The following PCDH9 variants were observed in gnomAD, a reference collection of about 807,000 sequenced individuals.
PCDH9 encodes the protein protocadherin-9.
A neutral mutation model predicts 70.6 loss-of-function variants in PCDH9; 24 were observed. The ratio of observed to expected loss-of-function variants is 0.34; its 90% CI spans 0.25 to 0.48. PCDH9 has a LOEUF of 0.48. Ranked by LOEUF, PCDH9 falls within the 20% of genes least tolerant of loss-of-function variation. PCDH9 has a pLI of 0.99. For missense variants in PCDH9, 1,281 were observed against 1,503.6 expected (o/e 0.85, Z 2.45); for synonymous variants, 562 against 558.5 (o/e 1.01, Z -0.09).
chr13:66,930,300 T>C (rs2082786289), intron 2 of PCDH9, among the ~76,000 whole-genome samples: 1 of 152,218 alleles, frequency 6.6e-6, no homozygotes, highest in African/African-American at 2.4e-5. Flanking sequence ...CTATTATTCC[T>C]GTTATAAAAT....
chr13:66,980,407 A>C (rs1400785692), intron 2 of PCDH9, among the ~76,000 whole-genome samples: 1 of 152,094 alleles, frequency 6.6e-6, no homozygotes, highest in Non-Finnish European at 1.5e-5. Context: ...TCTACCTAAA[A>C]TGGTTTTTCA....
intron 4 of PCDH9, among the ~76,000 whole-genome samples, chr13:66,378,280 C>T (rs1956785349): frequency 6.6e-6 from 1 of 152,100 alleles, no homozygotes; most frequent in Non-Finnish European, 1.5e-5. Context: ...CTTGCCCAAG[C>T]CCTAGGTTTT....
At chr13:67,026,628 T>C (rs866815592) in intron 2 of PCDH9, among the ~76,000 whole-genome samples, 1,766 of 151,966 alleles carry the variant, frequency 0.012, 19 homozygotes, top group Middle Eastern at 0.017. Flanking sequence ...CAAATTGTCC[T>C]TGTTTGCAGA....
At position 66,662,454 on chromosome 13, in the gene PCDH9, C is replaced by T. The variant is rs74773508; in HGVS notation, c.3139-31043G>A. Among the ~76,000 whole-genome samples the T allele has an allele frequency of 1.5e-4, 23 of 148,542 alleles. No homozygotes were observed. In the South Asian group the frequency reaches 4.7e-3, roughly 30 times the overall value. On this transcript the variant is annotated intron_variant, in intron 3 of 4. Transcript: ENST00000377865. ...AGCCACTGCACTCCAGCCTGGGCAA[C>T]AAAAGTGAAACTCCGTCTCAAAAAA...
intron 2 of PCDH9, among the ~76,000 whole-genome samples, chr13:67,078,042 G>A (rs1594479499): frequency 6.6e-6 from 1 of 152,008 alleles, no homozygotes; most frequent in Non-Finnish European, 1.5e-5. Flanking sequence ...TATTCTACAC[G>A]TTCCAGCCAA....
intron 2 of PCDH9, among the ~76,000 whole-genome samples, chr13:67,030,849 A>T (rs936210329): frequency 6.6e-6 from 1 of 152,188 alleles, no homozygotes; most frequent in Admixed American, 6.6e-5. Flanking sequence ...AGGTATGAGA[A>T]GATCTAAAGC....
intron 3 of PCDH9, among the ~76,000 whole-genome samples, chr13:66,703,476 A>G (rs532256629): frequency 2.0e-5 from 3 of 152,352 alleles, no homozygotes; most frequent in Non-Finnish European, 2.9e-5. Flanking sequence ...TCCCTCAAAC[A>G]ATCATATTCA....
chr13:67,072,079 T>A (rs1018566093), intron 2 of PCDH9, among the ~76,000 whole-genome samples: 1 of 152,082 alleles, frequency 6.6e-6, no homozygotes, highest in Non-Finnish European at 1.5e-5. Context: ...CTGAGCAGAC[T>A]AGGAGTGACT....
intron 2 of PCDH9, among the ~76,000 whole-genome samples, chr13:66,970,644 C>A (rs150821557): frequency 6.0e-5 from 7 of 117,060 alleles, no homozygotes; most frequent in African/African-American, 1.3e-4. Context: ...AAAAAAAAAG[C>A]AAAAAAAAAA....
At chr13:66,435,434 G>C (rs543929674) in intron 4 of PCDH9, among the ~76,000 whole-genome samples, 1 of 152,054 alleles carries the variant, frequency 6.6e-6, no homozygotes, top group African/African-American at 2.4e-5. Flanking sequence ...CAATATAAAA[G>C]TATTACCATA....
intron 4 of PCDH9, among the ~76,000 whole-genome samples, chr13:66,547,683 T>C (rs1260491659): frequency 6.6e-6 from 1 of 151,930 alleles, no homozygotes; most frequent in Non-Finnish European, 1.5e-5. Flanking sequence ...TTTAATAATT[T>C]GTGAAAGGAA....
At chr13:66,519,510 G>A (rs192551791) in intron 4 of PCDH9, among the ~76,000 whole-genome samples, 32 of 152,144 alleles carry the variant, frequency 2.1e-4, no homozygotes, top group South Asian at 6.2e-4. Context: ...TAGAGCTTCT[G>A]AGTCTCAACT....
At chr13:66,625,661 A>AT (rs56865546) in intron 4 of PCDH9, among the ~76,000 whole-genome samples, 78 of 122,980 alleles carry the variant, frequency 6.3e-4, no homozygotes, top group African/African-American at 2.0e-3. Context: ...ATATAGTGGA[A>AT]TTTTTTTTTT....
Position 66,970,235 on chromosome 13 carries a change from G to A in PCDH9, c.3037-66630C>T, listed in dbSNP as rs192821287. Among the ~76,000 whole-genome samples the A allele has an allele frequency of 4.8e-3, 728 of 152,122 alleles. 10 individuals carry two copies. Among genetic ancestry groups the A allele is most frequent in the African/African-American group, 0.017 (696 of 41,526 alleles). ...TTACTTTCACATAATTTTCACTGCA[G>A]AAGAACCTAAAAAATAATTTGTTGA... On this transcript the variant is annotated intron_variant, in intron 2 of 4. Coordinates refer to ENST00000377865, the MANE Select transcript of PCDH9 (RefSeq NM_203487.3).
intron 4 of PCDH9, among the ~76,000 whole-genome samples, chr13:66,576,623 A>G (rs2076818607): frequency 6.6e-6 from 1 of 152,098 alleles, no homozygotes; most frequent in African/African-American, 2.4e-5. Flanking sequence ...TTACGTATTG[A>G]CAAGCTAAAC....
intron 4 of PCDH9, among the ~76,000 whole-genome samples, chr13:66,570,566 T>C (rs1437711197): frequency 6.6e-6 from 1 of 152,184 alleles, no homozygotes; most frequent in East Asian, 1.9e-4. Flanking sequence ...CCTCTCTGCC[T>C]TATTTCTTAC....
chr13:66,872,053 T>C (rs1249721324), intron 3 of PCDH9, among the ~76,000 whole-genome samples: 1 of 152,194 alleles, frequency 6.6e-6, no homozygotes, highest in African/African-American at 2.4e-5. Flanking sequence ...TACTAGACTT[T>C]GAACTCTTAT....
intron 2 of PCDH9, among the ~76,000 whole-genome samples, chr13:67,186,701 T>C (rs2088768773): frequency 6.6e-6 from 1 of 152,144 alleles, no homozygotes; most frequent in Non-Finnish European, 1.5e-5. Context: ...ACATATCCCA[T>C]TATTACATAT....
At chr13:67,003,150 T>C (rs1333954019) in intron 2 of PCDH9, among the ~76,000 whole-genome samples, 1 of 152,152 alleles carries the variant, frequency 6.6e-6, no homozygotes, top group Non-Finnish European at 1.5e-5. Flanking sequence ...CTCACAATTG[T>C]AATTGTATAC....
Sources: gnomAD v4.1 joint callset for allele counts (sites outside exome capture counted in the v4.1 genomes callset) on GRCh38, gnomAD v4.1.1 for gene constraint, MANE v1.5 for transcripts, NCBI Gene and HGNC (gene_info 2026-07-23, HGNC 2026-07-21) for gene names.